REV3L: variants seen among roughly 807,000 people sequenced by gnomAD.
The protein encoded by REV3L is DNA polymerase zeta catalytic subunit.
A neutral mutation model predicts 299.4 loss-of-function variants in REV3L; 69 were observed. That is an observed-to-expected ratio of 0.23 (90% CI 0.19 to 0.28). The LOEUF is 0.28. REV3L is among the 10% of genes least tolerant of loss of function. The probability of loss-of-function intolerance (pLI) is 1.00; values close to 1 mark genes in which losing one functional copy is unlikely to be tolerated. For synonymous variants in REV3L, 1,238 were observed against 1,271.4 expected (o/e 0.97, Z 0.56); for missense variants, 3,128 against 3,693.8 (o/e 0.85, Z 3.97).
At chr6:111,320,405 C>T (rs1774022305) in intron 26 of REV3L, among the ~76,000 whole-genome samples, 1 of 152,102 alleles carries the variant, frequency 6.6e-6, no homozygotes, top group African/African-American at 2.4e-5. Flanking sequence ...ACCTATTATC[C>T]CAAGAGCAGT....
At chr6:111,403,181 G>A (rs922197782) in intron 4 of REV3L, among the ~76,000 whole-genome samples, 1 of 152,096 alleles carries the variant, frequency 6.6e-6, no homozygotes, top group Non-Finnish European at 1.5e-5. Context: ...GTGCAGTATG[G>A]GCAAATATAC....
At chr6:111,303,063 CTTTT>C (rs899700979) in intron 31 of REV3L, among the ~76,000 whole-genome samples, 1 of 145,548 alleles carries the variant, frequency 6.9e-6, no homozygotes, top group Non-Finnish European at 1.5e-5. Flanking sequence ...GGAAGGATCA[CTTTT>C]TTTTTTAGTT....
chr6:111,331,985 TC>T (rs1375607706), intron 23 of REV3L, among the ~76,000 whole-genome samples: 3 of 152,252 alleles, frequency 2.0e-5, no homozygotes, highest in African/African-American at 7.2e-5. Flanking sequence ...AAGAAACATT[TC>T]TTAAATGGCA....
chr6:111,476,099 G>T (rs772300404), intron 1 of REV3L, among the ~76,000 whole-genome samples: 1 of 152,112 alleles, frequency 6.6e-6, no homozygotes, highest in African/African-American at 2.4e-5. Context: ...CCTGAGGATG[G>T]GACCAAACCT....
At chr6:111,334,195 C>T (rs1468123656) in intron 22 of REV3L, among the ~76,000 whole-genome samples, 2 of 152,204 alleles carry the variant, frequency 1.3e-5, no homozygotes, top group Non-Finnish European at 2.9e-5. Context: ...GCCTTGGCCT[C>T]CTAAACTGCT....
chr6:111,359,332 A>C (rs1400927883), intron 16 of REV3L, among the ~76,000 whole-genome samples: 2 of 152,136 alleles, frequency 1.3e-5, no homozygotes, highest in Non-Finnish European at 2.9e-5. Flanking sequence ...TATACAATGA[A>C]ACCAAAGTCT....
intron 1 of REV3L, among the ~76,000 whole-genome samples, chr6:111,421,616 T>TG (rs980942738): frequency 5.9e-4 from 90 of 152,238 alleles, no homozygotes; most frequent in African/African-American, 2.1e-3. Context: ...TAGAAAAGTT[T>TG]TTTTTTTTTT....
chr6:111,461,609 T>C (rs1790785293), intron 1 of REV3L, among the ~76,000 whole-genome samples: 1 of 151,874 alleles, frequency 6.6e-6, no homozygotes, highest in African/African-American at 2.4e-5. Flanking sequence ...TATATAAAAG[T>C]AAAGTGTATG....
chr6:111,442,469 AG>A (rs1404240358), intron 1 of REV3L, among the ~76,000 whole-genome samples: 1 of 152,194 alleles, frequency 6.6e-6, no homozygotes, highest in Non-Finnish European at 1.5e-5. Flanking sequence ...CAGTGTTCCT[AG>A]TGACTTTTCC....
chr6:111,480,001 C>A (rs1583155515), intron 1 of REV3L, among the ~76,000 whole-genome samples: 1 of 152,096 alleles, frequency 6.6e-6, no homozygotes, highest in African/African-American at 2.4e-5. Flanking sequence ...AAAAACTAAA[C>A]TAGTAAAAGG....
At chr6:111,416,657 A>G (rs1487676694) in intron 1 of REV3L, among the ~76,000 whole-genome samples, 185 bp from the exon 2 acceptor site, 1 of 152,228 alleles carries the variant, frequency 6.6e-6, no homozygotes, top group East Asian at 1.9e-4. Context: ...ATTTGGAAAC[A>G]TTGTGTAAAC....
At chr6:111,317,106 A>G (rs1234646661) in intron 26 of REV3L, among the ~76,000 whole-genome samples, 1 of 152,194 alleles carries the variant, frequency 6.6e-6, no homozygotes, top group African/African-American at 2.4e-5. Context: ...GAAATGGATG[A>G]TATCTTGAAA....
At chr6:111,447,364 T>G (rs1334133629) in intron 1 of REV3L, among the ~76,000 whole-genome samples, 2 of 152,174 alleles carry the variant, frequency 1.3e-5, no homozygotes, top group Non-Finnish European at 2.9e-5. Context: ...TCTCACTAAC[T>G]AGAAATTAAT....
chr6:111,322,117 C>T (rs2114780911), intron 26 of REV3L, among the ~76,000 whole-genome samples: 1 of 152,290 alleles, frequency 6.6e-6, no homozygotes, highest in East Asian at 1.9e-4. Context: ...ATGCACTTCT[C>T]TTAGAAGGTC....
intron 9 of REV3L, among the ~76,000 whole-genome samples, chr6:111,382,165 T>C (rs987345856): frequency 6.6e-5 from 10 of 152,228 alleles, no homozygotes. Flanking sequence ...CATGTGGCCA[T>C]ATGGAATCCT....
Position 111,363,875 on chromosome 6 carries a change from T to C in REV3L, c.6857A>G (p.Gln2286Arg), listed in dbSNP as rs925298362. The C allele has an allele frequency of 1.2e-6, 2 of 1,613,486 alleles. No individual in the cohort carries two copies. The highest frequency in any genetic ancestry group is 1.7e-6 in the Non-Finnish European group (2 of 1,179,688). ...YGFKVSIQNL[Q>R]EAKALHEIQN... is the part of the protein sequence containing the mutation. ...TACCTCATGTAAAGCTTTTGCCTCC[T>C]GTAAGTTTTGTATGCTGACTTTGAA... The change falls in exon 16 of 32, where the codon CAG becomes CGG. Residue 2286 changes from glutamine to arginine, a missense_variant. Gln to Arg is a conservative substitution (Grantham distance 43, BLOSUM62 1). Coordinates refer to ENST00000368802, the MANE Select transcript of REV3L (RefSeq NM_001372078.1).
At chr6:111,413,792 C>A (rs988138309) in intron 2 of REV3L, among the ~76,000 whole-genome samples, 6 of 152,036 alleles carry the variant, frequency 3.9e-5, no homozygotes, top group African/African-American at 1.2e-4. Context: ...CAACTACTCT[C>A]AAAAATGTGG....
At chr6:111,416,560 G>A in intron 1 of REV3L, 88 bp from the exon 2 acceptor site, 5 of 1,063,022 alleles carry the variant, frequency 4.7e-6, no homozygotes, top group South Asian at 3.3e-5. Context: ...ATGTTCTAAT[G>A]GCAACACAGC....
At chr6:111,306,466 G>T (rs972154805) in intron 31 of REV3L, among the ~76,000 whole-genome samples, 5 of 152,136 alleles carry the variant, frequency 3.3e-5, no homozygotes, top group African/African-American at 4.8e-5. Flanking sequence ...TGATTTTATT[G>T]GGGGGTGCGA....
Sources: allele counts gnomAD v4.1 joint callset (sites outside exome capture counted in the v4.1 genomes callset), GRCh38; gene constraint gnomAD v4.1.1; transcripts MANE v1.5; gene names NCBI Gene and HGNC (gene_info 2026-07-23, HGNC 2026-07-21).